The following MAML3 variants were observed in gnomAD, a reference collection of about 807,000 sequenced individuals.
The protein encoded by MAML3 is mastermind like transcriptional coactivator 3.
In MAML3, 27 loss-of-function variants were observed where a neutral mutation model predicts 101.9. That is an observed-to-expected ratio of 0.27 (90% CI 0.20 to 0.37). The LOEUF is 0.37. MAML3 is among the 10% of genes least tolerant of loss of function. The pLI is 1.00. For synonymous variants in MAML3, 501 were observed against 555.9 expected (o/e 0.90, Z 1.39); for missense variants, 1,316 against 1,444.9 (o/e 0.91, Z 1.45).
At chr4:139,851,911 G>A (rs766701799) in intron 2 of MAML3, among the ~76,000 whole-genome samples, 1 of 152,188 alleles carries the variant, frequency 6.6e-6, no homozygotes, top group Non-Finnish European at 1.5e-5. Flanking sequence ...AAACAGAGAA[G>A]TGAAAGCCGC....
intron 1 of MAML3, among the ~76,000 whole-genome samples, chr4:139,892,819 T>C (rs1365856823): frequency 2.0e-5 from 3 of 151,072 alleles, no homozygotes; most frequent in Non-Finnish European, 4.4e-5. Flanking sequence ...TAGTCCCAGC[T>C]ACTTGAGAGG....
intron 1 of MAML3, among the ~76,000 whole-genome samples, chr4:140,105,962 T>C (rs1055651134): frequency 2.0e-5 from 3 of 152,122 alleles, no homozygotes; most frequent in Admixed American, 6.5e-5. Flanking sequence ...GCCTGGTTTT[T>C]CTACCTCAAT....
rs1029452938 is a variant in MAML3 at position 139,891,040 on chromosome 4, A to G, written c.469-73T>C. ...TTACTCTTTAAGGATTGAGATGTGC[A>G]TTGCGATGAACTAACTTTTAAGTGG... On this transcript the variant is annotated intron_variant, in intron 1 of 4. Transcript: ENST00000509479. 37 of 1,492,650 alleles carry G rather than the reference A, an allele frequency of 2.5e-5. No individual in the cohort carries two copies. In the African/African-American group the frequency reaches 4.7e-4, roughly 19 times the overall value. 92.5% of individuals were successfully genotyped at this position (1,492,650 alleles called of 1,614,324 possible).
In MAML3 at chr4:140,006,374, T is replaced by C. The variant is rs572140886; in HGVS notation, c.469-115407A>G. On this transcript the variant is annotated intron_variant, in intron 1 of 4. Coordinates refer to ENST00000509479, the MANE Select transcript of MAML3 (RefSeq NM_018717.5). The stretch of plus-strand genomic sequence containing the variant: ...GCCAAGAGGGGTGGATCACTTGAGG[T>C]TAGGAGTTTGAGACCAGCCTAACCA... 2.0e-5 allele frequency among the ~76,000 whole-genome samples: 3 copies of C among 151,802 alleles called. 1 individual carries two copies. In the South Asian group the frequency reaches 6.2e-4, roughly 32 times the overall value.
chr4:139,727,672 C>T (rs1262919328), intron 3 of MAML3, among the ~76,000 whole-genome samples: 1 of 152,178 alleles, frequency 6.6e-6, no homozygotes, highest in Non-Finnish European at 1.5e-5. Flanking sequence ...GTGCTTTGAA[C>T]TTTTGGAGAA....
intron 2 of MAML3, among the ~76,000 whole-genome samples, chr4:139,827,211 C>T (rs891867436): frequency 6.6e-6 from 1 of 152,006 alleles, no homozygotes; most frequent in Admixed American, 6.6e-5. Flanking sequence ...AATAAAGACA[C>T]CCAAAGAGTG....
intron 2 of MAML3, among the ~76,000 whole-genome samples, chr4:139,771,072 A>C (rs1174182703): frequency 6.6e-6 from 1 of 152,220 alleles, no homozygotes; most frequent in African/African-American, 2.4e-5. Flanking sequence ...AGAGCTCTCT[A>C]CAGTACTCGG....
At position 139,873,799 on chromosome 4, in the gene MAML3, C is replaced by T. The variant is rs555333318; in HGVS notation, c.2079+15558G>A. Among the ~76,000 whole-genome samples, 18 of 152,298 alleles carry T rather than the reference C, an allele frequency of 1.2e-4. No individual in the cohort carries two copies. In the East Asian group the frequency reaches 1.5e-3, roughly 13 times the overall value. On this transcript the variant is annotated intron_variant, in intron 2 of 4. Coordinates refer to ENST00000509479, the MANE Select transcript of MAML3 (RefSeq NM_018717.5). ...GACTGCAGCCCACTTGACAGCTTCA[C>T]GGTAGCCTTATGGAAGAGCCTGAGC...
intron 1 of MAML3, among the ~76,000 whole-genome samples, chr4:140,119,452 G>A (rs1728568242): frequency 6.6e-6 from 1 of 152,132 alleles, no homozygotes; most frequent in Non-Finnish European, 1.5e-5. Flanking sequence ...CCAATTTGCA[G>A]ATATGCACTG....
intron 1 of MAML3, among the ~76,000 whole-genome samples, chr4:139,935,423 C>T (rs1412455993): frequency 6.6e-6 from 1 of 152,084 alleles, no homozygotes; most frequent in Non-Finnish European, 1.5e-5. Flanking sequence ...AAAATATATT[C>T]TGCAAACAAT....
chr4:139,818,215 G>C (rs542763096), intron 2 of MAML3, among the ~76,000 whole-genome samples: 4 of 152,258 alleles, frequency 2.6e-5, no homozygotes, highest in African/African-American at 9.6e-5. Flanking sequence ...AACCTTCCTT[G>C]ACTGGCACCT....
chr4:140,151,187 G>A (rs1484120099), intron 1 of MAML3, among the ~76,000 whole-genome samples: 2 of 151,974 alleles, frequency 1.3e-5, no homozygotes, highest in Non-Finnish European at 2.9e-5. Flanking sequence ...GGCAAGAGTG[G>A]CTGGAGGAGG....
chr4:140,093,269 T>C (rs1728093071), intron 1 of MAML3, among the ~76,000 whole-genome samples: 2 of 152,188 alleles, frequency 1.3e-5, no homozygotes, highest in South Asian at 4.1e-4. Flanking sequence ...AAAAATTTCT[T>C]CAAGGCACAA....
At chr4:140,096,700 G>A (rs554811992) in intron 1 of MAML3, among the ~76,000 whole-genome samples, 1 of 152,254 alleles carries the variant, frequency 6.6e-6, no homozygotes, top group Admixed American at 6.5e-5. Flanking sequence ...GTACATAGTA[G>A]TCTTGGGATG....
chr4:140,102,329 G>T (rs1578685424), intron 1 of MAML3, among the ~76,000 whole-genome samples: 1 of 152,140 alleles, frequency 6.6e-6, no homozygotes, highest in African/African-American at 2.4e-5. Context: ...AATTGCTATT[G>T]CTGCCGTAAG....
At chr4:139,995,867 T>C (rs1485285274) in intron 1 of MAML3, among the ~76,000 whole-genome samples, 1 of 152,062 alleles carries the variant, frequency 6.6e-6, no homozygotes, top group South Asian at 2.1e-4. Flanking sequence ...TAGTTGCATA[T>C]AGTGGAAGCT....
intron 1 of MAML3, among the ~76,000 whole-genome samples, chr4:139,900,334 T>C (rs1262527766): frequency 6.6e-6 from 1 of 152,238 alleles, no homozygotes; most frequent in Non-Finnish European, 1.5e-5. Context: ...GCTGAATCTT[T>C]AGGTATGTTT....
intron 1 of MAML3, among the ~76,000 whole-genome samples, chr4:139,920,100 C>G (rs916168221): frequency 6.6e-6 from 1 of 152,188 alleles, no homozygotes; most frequent in Non-Finnish European, 1.5e-5. Context: ...ATGTTCATTA[C>G]AAGCACTGTT....
At chr4:140,134,743 C>T (rs1308728415) in intron 1 of MAML3, among the ~76,000 whole-genome samples, 6 of 152,016 alleles carry the variant, frequency 3.9e-5, no homozygotes, top group African/African-American at 1.5e-4. Flanking sequence ...GGGTGTTCTG[C>T]AAAAAAAGGT....
Sources: allele counts gnomAD v4.1 joint callset (sites outside exome capture counted in the v4.1 genomes callset), GRCh38; gene constraint gnomAD v4.1.1; transcripts MANE v1.5; gene names NCBI Gene and HGNC (gene_info 2026-07-23, HGNC 2026-07-21).